The following SLC35D2 variants were observed in gnomAD, a reference collection of about 807,000 sequenced individuals.
SLC35D2 encodes the protein nucleotide sugar transporter SLC35D2.
SLC35D2 carries 43 observed loss-of-function variants against 41.8 expected under a neutral mutation model. The observed-to-expected ratio is 1.03, with a 90% CI of 0.81 to 1.33. The LOEUF is 1.33. Among genes scored for constraint, SLC35D2 ranks in the 40% most tolerant of loss-of-function variants. The pLI is 0.00. For synonymous variants in SLC35D2, 150 were observed against 163.9 expected (o/e 0.92, Z 0.65); for missense variants, 380 against 408.4 (o/e 0.93, Z 0.60).
At chr9:96,379,716 C>T (rs980270656) in intron 1 of SLC35D2, among the ~76,000 whole-genome samples, 1 of 152,070 alleles carries the variant, frequency 6.6e-6, no homozygotes, top group South Asian at 2.1e-4. Context: ...GAGCTTAAAG[C>T]ATTTTGAGAG....
At chr9:96,320,120 G>T (rs1164167985), downstream of SLC35D2, among the ~76,000 whole-genome samples, 1 of 152,192 alleles carries the variant, frequency 6.6e-6, no homozygotes, top group Non-Finnish European at 1.5e-5. Flanking sequence ...TACACCAGGG[G>T]TTGGCGGTAG....
chr9:96,341,605 A>C (rs988075180), intron 8 of SLC35D2, among the ~76,000 whole-genome samples: 1 of 152,220 alleles, frequency 6.6e-6, no homozygotes, highest in Non-Finnish European at 1.5e-5. Context: ...AATGTCTGAC[A>C]TAATAAGCCC....
chr9:96,343,785 T>A (rs1239752280), intron 8 of SLC35D2, 119 bp downstream of exon 8: 22 of 593,546 alleles, frequency 3.7e-5, no homozygotes, highest in Non-Finnish European at 3.4e-5. Flanking sequence ...CTTGTTATCA[T>A]GTACCCTCCT....
chr9:96,348,279 G>A lies in SLC35D2; in HGVS notation c.488+2824C>T, dbSNP rs975090394. Among the ~76,000 whole-genome samples the A allele has an allele frequency of 2.0e-5, 3 of 152,320 alleles. No homozygotes were observed. The East Asian group carries it at 5.8e-4, about 29-fold the overall frequency. ...AATAAAATGTAAGAGAAGGTGACAC[G>A]TCACTTCTGGGTGAAACCTTTAAGA... On this transcript the variant is annotated intron_variant, in intron 6 of 11. Coordinates refer to ENST00000253270, the MANE Select transcript of SLC35D2 (RefSeq NM_007001.3).
chr9:96,342,894 C>T (rs1302266767), intron 8 of SLC35D2, among the ~76,000 whole-genome samples: 2 of 152,324 alleles, frequency 1.3e-5, no homozygotes, highest in East Asian at 1.9e-4. Context: ...GGGCAACATA[C>T]ACCCATGCTG....
intron 2 of SLC35D2, among the ~76,000 whole-genome samples, 190 bp from the exon 3 acceptor site, chr9:96,364,740 A>G (rs1175441741): frequency 2.6e-5 from 4 of 152,246 alleles, no homozygotes; most frequent in Admixed American, 1.3e-4. Flanking sequence ...TACAGATTCC[A>G]TCAGAACTCC....
At chr9:96,343,855 A>AT in intron 8 of SLC35D2, 49 bp downstream of exon 8, 1 of 1,265,892 alleles carries the variant, frequency 7.9e-7, no homozygotes, top group Non-Finnish European at 1.1e-6. Flanking sequence ...TAAATATTAA[A>AT]TTTTTTAAAG....
chr9:96,344,566 T>A (rs796499861), intron 7 of SLC35D2, among the ~76,000 whole-genome samples: 3,176 of 56,408 alleles, frequency 0.056, no homozygotes, highest in Admixed American at 0.1. Flanking sequence ...ACAGAGCAGA[T>A]AAAAAAAAAA....
intron 9 of SLC35D2, among the ~76,000 whole-genome samples, chr9:96,329,201 A>G (rs993532429): frequency 3.3e-5 from 5 of 152,012 alleles, no homozygotes; most frequent in African/African-American, 9.7e-5. Context: ...ATACATATAT[A>G]CTTTTATATA....
chr9:96,322,378 G>A (rs1023372354), intron 10 of SLC35D2, among the ~76,000 whole-genome samples: 4 of 151,918 alleles, frequency 2.6e-5, no homozygotes, highest in Non-Finnish European at 5.9e-5. Flanking sequence ...AAAAGTAGCC[G>A]GGCATGGTGG....
Position 96,343,889 on chromosome 9 carries a change from T to C in SLC35D2, c.684+15A>G, listed in dbSNP as rs573079482. On this transcript the variant is annotated intron_variant, in intron 8 of 11. Transcript: ENST00000253270. ...AGCCAGCTAAGGAAAACTGTAATGA[T>C]TGTCATCAGCTCACCTGTTGCAGGT... 3 of 1,482,924 alleles carry C rather than the reference T, an allele frequency of 2.0e-6. No homozygotes were observed. The highest frequency in any genetic ancestry group is 1.5e-5 in the African/African-American group (1 of 68,878). The allele number at this position is 1,482,924 out of a possible 1,614,324, so 91.9% of individuals were successfully genotyped here.
chr9:96,323,952 C>T, intron 10 of SLC35D2, 139 bp downstream of exon 10: 1 of 634,154 alleles, frequency 1.6e-6, no homozygotes, highest in Non-Finnish European at 2.8e-6. Flanking sequence ...AAGATGGGAT[C>T]ACACAGGCCG....
At chr9:96,324,973 T>A (rs905651268) in intron 9 of SLC35D2, among the ~76,000 whole-genome samples, 1 of 152,188 alleles carries the variant, frequency 6.6e-6, no homozygotes, top group African/African-American at 2.4e-5. Context: ...TTCTGATCTG[T>A]AGCCAGAGCA....
At chr9:96,346,727 A>G (rs1192326521) in intron 6 of SLC35D2, among the ~76,000 whole-genome samples, 1 of 151,874 alleles carries the variant, frequency 6.6e-6, no homozygotes, top group African/African-American at 2.4e-5. Flanking sequence ...ATTAAATTGG[A>G]TTTTTGCTTG....
chr9:96,324,941 G>T (rs1387968481), intron 9 of SLC35D2, among the ~76,000 whole-genome samples: 1 of 152,174 alleles, frequency 6.6e-6, no homozygotes, highest in African/African-American at 2.4e-5. Flanking sequence ...GACCGTGCAC[G>T]ATATGAAAGA....
chr9:96,372,634 G>A (rs374635184), intron 1 of SLC35D2, among the ~76,000 whole-genome samples: 2 of 140,586 alleles, frequency 1.4e-5, no homozygotes, highest in South Asian at 2.2e-4. Context: ...GCCCAGGCTG[G>A]AGTGCAGTGG....
chr9:96,332,070 C>T (rs1828833923), intron 9 of SLC35D2, among the ~76,000 whole-genome samples: 3 of 152,172 alleles, frequency 2.0e-5, no homozygotes, highest in South Asian at 4.1e-4. Context: ...GGCCCTTTCA[C>T]CATTCTGTCG....
intron 1 of SLC35D2, among the ~76,000 whole-genome samples, chr9:96,377,847 G>A (rs1214745508): frequency 2.0e-5 from 3 of 152,202 alleles, no homozygotes; most frequent in Admixed American, 6.5e-5. Context: ...AGACAGAAAG[G>A]ATGGCACATC....
chr9:96,321,187 G>A lies in SLC35D2; in HGVS notation c.*55C>T. 7.5e-7 allele frequency: 1 copy of A among 1,341,972 alleles called. No homozygotes were observed. 83.1% of individuals were successfully genotyped at this position (1,341,972 alleles called of 1,614,324 possible). On this transcript the variant is annotated 3_prime_UTR_variant, in exon 12 of 12. Transcript: ENST00000253270. ...ACCTCTGGCTTCACATTCCTACTGGGAATGCCCCCCCAGCCCGCAGTCACA... is the reference window on the plus strand; with the variant it reads ...ACCTCTGGCTTCACATTCCTACTGGAAATGCCCCCCCAGCCCGCAGTCACA...
Sources: gnomAD v4.1 joint callset for allele counts (sites outside exome capture counted in the v4.1 genomes callset) on GRCh38, gnomAD v4.1.1 for gene constraint, MANE v1.5 for transcripts, NCBI Gene and HGNC (gene_info 2026-07-23, HGNC 2026-07-21) for gene names.